FAM24B: variants seen among roughly 807,000 people sequenced by gnomAD.
FAM24B encodes the protein protein FAM24B.
A neutral mutation model predicts 2.3 loss-of-function variants in FAM24B; 3 were observed. The observed-to-expected ratio is 1.29, with a 90% CI of 0.59 to 3.32. FAM24B has a LOEUF of 3.32. FAM24B is among the 30% of genes most tolerant of loss of function. The pLI, the probability that FAM24B is intolerant of heterozygous loss-of-function variation, is 0.03. For synonymous variants in FAM24B, 36 were observed against 46.3 expected (o/e 0.78, Z 0.90); for missense variants, 98 against 117.2 (o/e 0.84, Z 0.76).
At chr10:122,856,559 C>A (rs1273312103) in intron 1 of FAM24B, among the ~76,000 whole-genome samples, 1 of 152,166 alleles carries the variant, frequency 6.6e-6, no homozygotes, top group Non-Finnish European at 1.5e-5. Context: ...ATGAGAACGG[C>A]CTTTGACACT....
chr10:122,866,174 T>C (rs1396813926), intron 1 of FAM24B, among the ~76,000 whole-genome samples: 2 of 152,182 alleles, frequency 1.3e-5, no homozygotes, highest in African/African-American at 4.8e-5. Context: ...AGTGCTGATA[T>C]TACAGGCATG....
chr10:122,853,502 T>A (rs1387232417), intron 2 of FAM24B, among the ~76,000 whole-genome samples: 1 of 152,166 alleles, frequency 6.6e-6, no homozygotes, highest in African/African-American at 2.4e-5. Flanking sequence ...GCCATGTCCT[T>A]ATAAAACCTT....
At chr10:122,851,059 T>C (rs1445438141) in intron 2 of FAM24B, among the ~76,000 whole-genome samples, 1 of 152,256 alleles carries the variant, frequency 6.6e-6, no homozygotes, top group African/African-American at 2.4e-5. Context: ...ATGCATGTTT[T>C]AGGAAAAGAA....
intron 1 of FAM24B, among the ~76,000 whole-genome samples, chr10:122,867,574 G>C (rs1006502291): frequency 4.6e-5 from 7 of 152,158 alleles, no homozygotes; most frequent in Non-Finnish European, 7.3e-5. Flanking sequence ...ACATGGCCGG[G>C]TACTCCTCTG....
chr10:122,870,751 ACT>A (rs1167741815), intron 1 of FAM24B, among the ~76,000 whole-genome samples: 1 of 152,092 alleles, frequency 6.6e-6, no homozygotes, highest in Non-Finnish European at 1.5e-5. Context: ...CATGCTAAAA[ACT>A]CTCAATAAAT....
At chr10:122,862,174 C>T (rs557217966) in intron 1 of FAM24B, among the ~76,000 whole-genome samples, 1 of 152,202 alleles carries the variant, frequency 6.6e-6, no homozygotes, top group South Asian at 2.1e-4. Context: ...GCTAAAATTT[C>T]CCCTTCTCAA....
At chr10:122,862,216 C>T (rs1038114549) in intron 1 of FAM24B, among the ~76,000 whole-genome samples, 1 of 152,198 alleles carries the variant, frequency 6.6e-6, no homozygotes, top group African/African-American at 2.4e-5. Flanking sequence ...TATTGAACCC[C>T]CACCTACAAG....
intron 3 of FAM24B, among the ~76,000 whole-genome samples, chr10:122,850,027 G>T (rs1847501284): frequency 6.6e-6 from 1 of 152,128 alleles, no homozygotes; most frequent in African/African-American, 2.4e-5. Context: ...TCCTCCACAT[G>T]AGCACAAGGC....
chr10:122,865,626 C>T (rs2133835161), intron 1 of FAM24B, among the ~76,000 whole-genome samples: 1 of 152,162 alleles, frequency 6.6e-6, no homozygotes, highest in Non-Finnish European at 1.5e-5. Flanking sequence ...TAATGCTGGC[C>T]TCATATAATG....
At chr10:122,850,910 C>T (rs1019501744) in intron 2 of FAM24B, 8 of 200,786 alleles carry the variant, frequency 4.0e-5, no homozygotes, top group Non-Finnish European at 7.2e-5. Context: ...GCACCTGGGC[C>T]TCCTGAGCTA....
chr10:122,850,518 T>C lies in FAM24B; in HGVS notation c.-3A>G. 1 of 1,609,374 alleles carries C rather than the reference T, an allele frequency of 6.2e-7. No homozygotes were observed. On this transcript the variant is annotated 5_prime_UTR_variant, in exon 3 of 4. It removes the in-frame stop codon of an upstream open reading frame in the 5' UTR. Transcript: ENST00000368898. ...ATACCACCAGCGATGACAGGCATAA[T>C]CACTGTATGGAGGTCAAAAGACTTC... is the stretch of plus-strand genomic sequence containing the variant.
At chr10:122,860,524 T>A (rs2133831401) in intron 1 of FAM24B, among the ~76,000 whole-genome samples, 1 of 152,344 alleles carries the variant, frequency 6.6e-6, no homozygotes, top group East Asian at 1.9e-4. Context: ...GTTCATTTGG[T>A]AAATACCTAA....
intron 1 of FAM24B, among the ~76,000 whole-genome samples, chr10:122,875,789 G>A (rs908380912): frequency 1.3e-5 from 2 of 151,988 alleles, no homozygotes; most frequent in African/African-American, 2.4e-5. Flanking sequence ...ACGGCTTGCC[G>A]ATAAGATCTC....
At chr10:122,865,952 G>A (rs1163532919) in intron 1 of FAM24B, among the ~76,000 whole-genome samples, 1 of 151,218 alleles carries the variant, frequency 6.6e-6, no homozygotes, top group East Asian at 1.9e-4. Flanking sequence ...TGCCCAGCTG[G>A]AGTGCAGTGG....
chr10:122,856,964 T>G (rs80086961), intron 1 of FAM24B, among the ~76,000 whole-genome samples: 2,264 of 152,242 alleles, frequency 0.015, 51 homozygotes, highest in African/African-American at 0.046. Context: ...GCATTTACAT[T>G]TCATTGGATG....
At chr10:122,873,747 C>T (rs940060839) in intron 1 of FAM24B, among the ~76,000 whole-genome samples, 1 of 152,226 alleles carries the variant, frequency 6.6e-6, no homozygotes, top group Admixed American at 6.5e-5. Flanking sequence ...TCTTTTCCAA[C>T]ATGTACTCAG....
At chr10:122,868,773 C>G (rs1446694080) in intron 1 of FAM24B, among the ~76,000 whole-genome samples, 1 of 152,168 alleles carries the variant, frequency 6.6e-6, no homozygotes, top group Non-Finnish European at 1.5e-5. Flanking sequence ...TAAAAGACCT[C>G]CTGAAGGAAG....
Position 122,873,326 on chromosome 10 carries a change from T to C in FAM24B, c.-178+6159A>G, listed in dbSNP as rs142852319. ...CTGAAAATCCTAGGGCTCTTAAGAATTATGCTAAATCTGCTCTGTCTTTGC... is the reference window on the plus strand; with the variant it reads ...CTGAAAATCCTAGGGCTCTTAAGAACTATGCTAAATCTGCTCTGTCTTTGC... On this transcript the variant is annotated intron_variant, in intron 1 of 3. Coordinates refer to ENST00000368898, the MANE Select transcript of FAM24B (RefSeq NM_152644.3). Among the ~76,000 whole-genome samples the C allele has an allele frequency of 1.7e-3, 260 of 152,342 alleles. 3 individuals are homozygous for C. The highest frequency in any genetic ancestry group is 5.8e-3 in the African/African-American group (242 of 41,576).
At chr10:122,860,176 T>G (rs933472539) in intron 1 of FAM24B, among the ~76,000 whole-genome samples, 17 of 152,208 alleles carry the variant, frequency 1.1e-4, no homozygotes, top group African/African-American at 3.9e-4. Flanking sequence ...AAAAGTTCCC[T>G]TCTGTGGCCC....
Sources: gnomAD v4.1 joint callset for allele counts (sites outside exome capture counted in the v4.1 genomes callset) on GRCh38, gnomAD v4.1.1 for gene constraint, MANE v1.5 for transcripts, NCBI Gene and HGNC (gene_info 2026-07-23, HGNC 2026-07-21) for gene names.